The following TLE1 variants were observed in gnomAD, a reference collection of about 807,000 sequenced individuals.
TLE1 encodes transducin-like enhancer protein 1.
In TLE1, 21 loss-of-function variants were observed where a neutral mutation model predicts 89.8. The observed-to-expected ratio is 0.23, with a 90% CI of 0.17 to 0.34. The LOEUF (loss-of-function observed/expected upper bound fraction) is 0.34. Among genes scored for constraint, TLE1 ranks in the 10% least tolerant of loss-of-function variants. TLE1 has a pLI of 1.00. For missense variants in TLE1, 795 were observed against 1,031.2 expected, an observed-to-expected ratio of 0.77 and a Z score of 3.14; for synonymous variants, 447 against 407.6, an observed-to-expected ratio of 1.10 and a Z score of -1.16.
chr9:81,625,485 T>C (rs917676150), intron 8 of TLE1, among the ~76,000 whole-genome samples: 3 of 152,210 alleles, frequency 2.0e-5, no homozygotes, highest in African/African-American at 7.2e-5. Flanking sequence ...CTCAATGGCC[T>C]GAAGGTAACC....
At chr9:81,602,427 G>C (rs540079050) in intron 14 of TLE1, among the ~76,000 whole-genome samples, 36 of 152,260 alleles carry the variant, frequency 2.4e-4, no homozygotes, top group African/African-American at 7.5e-4. Flanking sequence ...TTGGGGATGG[G>C]ACCCAGTCTA....
intron 11 of TLE1, among the ~76,000 whole-genome samples, chr9:81,614,315 A>G (rs958302717): frequency 4.6e-5 from 7 of 152,168 alleles, no homozygotes; most frequent in Admixed American, 1.3e-4. Flanking sequence ...GGCTAACCTT[A>G]CCAATATGCC....
chr9:81,591,032 A>T lies in TLE1; in HGVS notation c.1602T>A (p.Arg534=). The T allele has an allele frequency of 6.2e-7, 1 of 1,614,172 alleles. No individual in the cohort carries two copies. Among genetic ancestry groups the T allele is most frequent in the Non-Finnish European group, 8.5e-7 (1 of 1,179,982 alleles). Residue 534 remains arginine (R), a synonymous_variant, in exon 16 of 20, where the codon CGT becomes CGA. Transcript: ENST00000376499. ...AGCCATCGGGTAGCAATTTACAGGAACGGATATAATTGTCTCTGTTCTGTA... is the reference window on the plus strand; with the variant it reads ...AGCCATCGGGTAGCAATTTACAGGATCGGATATAATTGTCTCTGTTCTGTA... ...LDCLNRDNYI[R]SCKLLPDGCT...
chr9:81,601,673 T>C (rs1198382494), intron 14 of TLE1, among the ~76,000 whole-genome samples: 3 of 151,216 alleles, frequency 2.0e-5, no homozygotes, highest in African/African-American at 7.3e-5. Flanking sequence ...CTCAGGGGAA[T>C]AAATGTCCTA....
At chr9:81,676,172 C>T (rs1342670637) in intron 4 of TLE1, among the ~76,000 whole-genome samples, 1 of 152,102 alleles carries the variant, frequency 6.6e-6, no homozygotes. Flanking sequence ...GATTTTCAAA[C>T]GTTCAGGGTC....
chr9:81,643,339 C>T (rs530158966), intron 6 of TLE1, among the ~76,000 whole-genome samples: 2 of 151,916 alleles, frequency 1.3e-5, no homozygotes, highest in Admixed American at 6.6e-5. Context: ...TGGGTTCAAG[C>T]GATTCTCCTG....
rs1235894230 is a variant in TLE1 at position 81,610,259 on chromosome 9, G to A, written c.1292C>T (p.Thr431Ile). The part of the protein sequence containing the change: ...FDPPPHMRVP[T>I]IPPNLAGIPG... ...GATTCCTGCCAGGTTTGGAGGAATG[G>A]TAGGTACTCTCATGTGAGGGGGAGG... Residue 431 changes from threonine (T) to isoleucine (I), a missense_variant, in exon 14 of 20, where the codon ACC becomes ATC. By Grantham distance (89) the Thr-to-Ile change is moderately conservative (BLOSUM62 -1). Around this residue, in one of 4 missense-constraint regions of TLE1, gnomAD observed 468 missense variants for 509.1 expected, o/e 0.92. Coordinates refer to ENST00000376499, the MANE Select transcript of TLE1 (RefSeq NM_005077.5). 6.2e-7 allele frequency: 1 copy of A among 1,614,036 alleles called. No individual in the cohort carries two copies. Among genetic ancestry groups the A allele is most frequent in the Admixed American group, 1.7e-5 (1 of 60,020 alleles).
At position 81,688,875 on chromosome 9, in the gene TLE1, C is replaced by T. The variant is rs1177254017; in HGVS notation, c.-635G>A. 6.6e-6 allele frequency: 1 copy of T among 152,364 alleles called. No individual in the cohort carries two copies. The highest frequency in any genetic ancestry group is 1.5e-5 in the Non-Finnish European group (1 of 68,176). The allele number at this position is 152,364 out of a possible 1,614,324, so 9.4% of individuals were successfully genotyped here. A position where few individuals can be genotyped will look rare whatever the true frequency, so the allele number is the denominator to read the frequency against. On this transcript the variant is annotated 5_prime_UTR_variant, in exon 1 of 20. Transcript: ENST00000376499. ...GAGGTTGAAGACGCAGCGGAGGCTC[C>T]TGGCCGGGGAGCGACGGATGACGAG...
chr9:81,629,897 T>C (rs904393257), intron 8 of TLE1, among the ~76,000 whole-genome samples: 3 of 152,220 alleles, frequency 2.0e-5, no homozygotes, highest in African/African-American at 7.2e-5. Context: ...ATTACACTTC[T>C]ATTTCCTAGG....
At chr9:81,587,062 A>G (rs1828583141) in intron 17 of TLE1, among the ~76,000 whole-genome samples, 1 of 152,262 alleles carries the variant, frequency 6.6e-6, no homozygotes, top group African/African-American at 2.4e-5. Flanking sequence ...GTCTACATTC[A>G]GACATTGGAC....
intron 6 of TLE1, among the ~76,000 whole-genome samples, chr9:81,643,997 T>C (rs1321579383): frequency 6.6e-6 from 1 of 152,124 alleles, no homozygotes; most frequent in Non-Finnish European, 1.5e-5. Context: ...ATTGAAAAGA[T>C]GTTCAACATC....
In TLE1 at chr9:81,668,499, A is replaced by G. The variant is rs2132894911; in HGVS notation, c.235-14463T>C. On this transcript the variant is annotated intron_variant, in intron 4 of 19. Transcript: ENST00000376499. Reference sequence around the variant, plus strand: ...GAGGCAAACAGGAATAACATTTTAAATACAAATTACTTCTTTACCAAAAAA... The same window carrying G: ...GAGGCAAACAGGAATAACATTTTAAGTACAAATTACTTCTTTACCAAAAAA... Among the ~76,000 whole-genome samples the G allele has an allele frequency of 1.3e-5, 2 of 152,318 alleles. 1 individual carries two copies. Among genetic ancestry groups the G allele is most frequent in the Middle Eastern group, 6.8e-3 (2 of 294 alleles).
chr9:81,651,256 G>A (rs1829492411), intron 6 of TLE1, among the ~76,000 whole-genome samples: 1 of 152,166 alleles, frequency 6.6e-6, no homozygotes, highest in African/African-American at 2.4e-5. Context: ...AATAAAATCA[G>A]AAAGGACGGT....
chr9:81,660,483 G>A (rs1217582844), intron 4 of TLE1, among the ~76,000 whole-genome samples: 1 of 151,660 alleles, frequency 6.6e-6, no homozygotes, highest in East Asian at 2.0e-4. Flanking sequence ...GCGCGATCTC[G>A]GCTCACTGCA....
At chr9:81,617,966 A>G (rs1824762298) in intron 9 of TLE1, among the ~76,000 whole-genome samples, 1 of 152,160 alleles carries the variant, frequency 6.6e-6, no homozygotes, top group Non-Finnish European at 1.5e-5. Context: ...TGGAGGTTGC[A>G]GTGAGCCGAG....
rs376059183 is a variant in TLE1, at chr9:81,616,630, T to C, written c.765+16A>G. The C allele has an allele frequency of 2.5e-6, 4 of 1,613,260 alleles. No individual in the cohort carries two copies. Among genetic ancestry groups the C allele is most frequent in the East Asian group, 4.5e-5 (2 of 44,880 alleles). On this transcript the variant is annotated intron_variant, in intron 10 of 19. Transcript: ENST00000376499. ...AAATCATTCTGAAGACAAACTTTGA[T>C]GAAAAGAATGGTTACCTCATTAGAC...
chr9:81,661,723 A>T (rs1453902787), intron 4 of TLE1, among the ~76,000 whole-genome samples: 1 of 152,152 alleles, frequency 6.6e-6, no homozygotes, highest in Non-Finnish European at 1.5e-5. Flanking sequence ...TTCTGACTAG[A>T]AGTTTCTGAG....
chr9:81,661,861 TA>T (rs753535907), intron 4 of TLE1, among the ~76,000 whole-genome samples: 1 of 152,124 alleles, frequency 6.6e-6, no homozygotes, highest in Non-Finnish European at 1.5e-5. Context: ...AGGCAATTTT[TA>T]AAAAATTAAC....
intron 4 of TLE1, among the ~76,000 whole-genome samples, chr9:81,655,872 A>G (rs917044473): frequency 6.6e-6 from 1 of 151,802 alleles, no homozygotes; most frequent in Admixed American, 6.6e-5. Flanking sequence ...AAAAAAAAGA[A>G]AAGAAAAGAA....
Sources: gnomAD v4.1 joint callset for allele counts (sites outside exome capture counted in the v4.1 genomes callset) on GRCh38, gnomAD v4.1.1 for gene constraint, gnomAD v4.1.1 regional missense constraint, MANE v1.5 for transcripts, NCBI Gene and HGNC (gene_info 2026-07-23, HGNC 2026-07-21) for gene names.